CCNL2: variants seen among roughly 807,000 people sequenced by gnomAD.
The protein encoded by CCNL2 is cyclin L2, also known as cyclin-L2.
In CCNL2, 28 loss-of-function variants were observed where a neutral mutation model predicts 59.1. The observed-to-expected ratio is 0.47, with a 90% CI of 0.35 to 0.65. The LOEUF is 0.65. Among genes scored for constraint, CCNL2 ranks in the 30% least tolerant of loss-of-function variants. CCNL2 has a pLI of 0.00. For missense variants in CCNL2, 714 were observed against 717.4 expected, an observed-to-expected ratio of 1.00 and a Z score of 0.05; for synonymous variants, 342 against 288.6, an observed-to-expected ratio of 1.19 and a Z score of -1.88.
Position 1,392,988 on chromosome 1 carries a change from A to G in CCNL2, c.659+408T>C, listed in dbSNP as rs1437417733. 4.6e-6 allele frequency: 3 copies of G among 652,760 alleles called. No individual in the cohort carries two copies. In the African/African-American group the frequency reaches 5.5e-5, roughly 12 times the overall value. 40.4% of individuals were successfully genotyped at this position (652,760 alleles called of 1,614,324 possible). A position where few individuals can be genotyped will look rare whatever the true frequency, so the allele number is the denominator to read the frequency against. ...GCACTTTAGGGTTCCTTTCTAGCAC[A>G]TGCATTGCTAAAATCGGCCCCAGAA... On this transcript the variant is annotated intron_variant, in intron 5 of 10. Transcript: ENST00000400809.
chr1:1,396,594 T>C (rs1645041442), intron 3 of CCNL2, among the ~76,000 whole-genome samples: 1 of 146,604 alleles, frequency 6.8e-6, no homozygotes, highest in African/African-American at 2.6e-5. Context: ...TTTTTTTTTT[T>C]TTTGAGACAG....
At chr1:1,395,940 G>C in intron 3 of CCNL2, among the ~76,000 whole-genome samples, 1 of 152,134 alleles carries the variant, frequency 6.6e-6, no homozygotes, top group Non-Finnish European at 1.5e-5. Context: ...CACTTTGGGA[G>C]GCGAGGCAGG....
At chr1:1,391,727 A>G (rs1032015415) in intron 5 of CCNL2, 4 of 420,552 alleles carry the variant, frequency 9.5e-6, no homozygotes, top group African/African-American at 8.6e-5. Flanking sequence ...ACATTTTTTA[A>G]AAGTTAAAGC....
In CCNL2 at chr1:1,385,734, CATA is replaced by C. The variant is rs1236943326; in HGVS notation, c.*1494_*1496del. On this transcript the variant is annotated 3_prime_UTR_variant, in exon 11 of 11. Coordinates refer to ENST00000400809, the MANE Select transcript of CCNL2 (RefSeq NM_030937.6). ...TCTGGCCTTAAATGGTTCTTTATGTCATAATAATATTTTACAATTATTTAGTAA... is the reference window on the plus strand; with the variant it reads ...TCTGGCCTTAAATGGTTCTTTATGTCATAATATTTTACAATTATTTAGTAA... The C allele has an allele frequency of 2.0e-5, 3 of 152,348 alleles. No homozygotes were observed. Among genetic ancestry groups the C allele is most frequent in the Admixed American group, 1.3e-4 (2 of 15,300 alleles). 9.4% of individuals were successfully genotyped at this position (152,348 alleles called of 1,614,324 possible).
rs201657375 is a variant in CCNL2, at chr1:1,398,591, C to A, written c.363+6G>T. 3 of 1,612,770 alleles carry A rather than the reference C, an allele frequency of 1.9e-6. No homozygotes were observed. Among genetic ancestry groups the A allele is most frequent in the Admixed American group, 1.7e-5 (1 of 60,024 alleles). ...GCTGGGAATGAAGTGCAGGAGGAAG[C>A]CTTACCTCCATGGAGTGCTTCACGA... On this transcript the variant is annotated splice_donor_region_variant and intron_variant, in intron 2 of 10. Coordinates refer to ENST00000400809, the MANE Select transcript of CCNL2 (RefSeq NM_030937.6).
chr1:1,395,491 T>C lies in CCNL2; in HGVS notation c.497A>G (p.Asp166Gly), dbSNP rs567358928. ...GTTCTTTAAATTAACATAATCTTGA[T>C]CCAGTAGTAGAGGCACGGGCTTCCT... ...DKKKPVPLLL[D>G]QDYVNLKNQI... is the part of the protein sequence containing the mutation. Residue 166 changes from aspartate (D) to glycine (G), a missense_variant, in exon 4 of 11, where the codon GAT becomes GGT. This residue lies in a region of CCNL2 where 270 missense variants were observed against 254.9 expected (regional missense o/e 1.06). Coordinates refer to ENST00000400809, the MANE Select transcript of CCNL2 (RefSeq NM_030937.6). The C allele has an allele frequency of 1.9e-5, 31 of 1,614,104 alleles. No individual in the cohort carries two copies. The East Asian group carries it at 5.8e-4, about 30-fold the overall frequency.
intron 3 of CCNL2, 108 bp from the exon 4 acceptor site, chr1:1,395,622 A>G: frequency 6.8e-7 from 1 of 1,476,428 alleles, no homozygotes; most frequent in Admixed American, 1.8e-5. Context: ...CCCACAACAC[A>G]ACATCGCTAT....
At chr1:1,395,943 G>A (rs1040830001) in intron 3 of CCNL2, among the ~76,000 whole-genome samples, 2 of 147,136 alleles carry the variant, frequency 1.4e-5, no homozygotes, top group South Asian at 2.2e-4. Context: ...TTTGGGAGGC[G>A]AGGCAGGCAG....
Position 1,387,587 on chromosome 1 carries a change from G to A in CCNL2, c.1212-5C>T. 6.8e-7 allele frequency: 1 copy of A among 1,480,460 alleles called. No individual in the cohort carries two copies. The highest frequency in any genetic ancestry group is 2.4e-5 in the East Asian group (1 of 41,344). The allele number at this position is 1,480,460 out of a possible 1,614,324, so 91.7% of individuals were successfully genotyped here. On this transcript the variant is annotated splice_polypyrimidine_tract_variant and splice_region_variant and intron_variant, in intron 10 of 10. Coordinates refer to ENST00000400809, the MANE Select transcript of CCNL2 (RefSeq NM_030937.6). ...GTGGAGCCGCTGTCACTTTTCCTGG[G>A]AGGAAGAACAGCACCACCACACGTG... is the stretch of plus-strand genomic sequence containing the variant.
intron 6 of CCNL2, 21 bp downstream of exon 6, chr1:1,390,745 C>T: frequency 6.2e-7 from 1 of 1,605,672 alleles, no homozygotes; most frequent in Non-Finnish European, 8.5e-7. Flanking sequence ...TAGAATCTCT[C>T]CATAGTAGCA....
chr1:1,390,113 CAAAAAAA>C (rs546221507), intron 8 of CCNL2, 110 bp downstream of exon 8: 20 of 696,086 alleles, frequency 2.9e-5, no homozygotes, highest in African/African-American at 1.0e-4. Flanking sequence ...GACCCTGTCT[CAAAAAAA>C]AAAAAAAAAA....
intron 8 of CCNL2, 117 bp downstream of exon 8, chr1:1,390,113 C>CA (rs546221507): frequency 0.073 from 50,458 of 692,968 alleles, 1,231 homozygotes; most frequent in African/African-American, 0.28. Flanking sequence ...GACCCTGTCT[C>CA]AAAAAAAAAA....
Position 1,387,158 on chromosome 1 carries a change from C to G in CCNL2, c.*73G>C, listed in dbSNP as rs1644492551. ...ACACCCGGGGGTCAAAGGGCAGCCA[C>G]CGGGGGTCAAAGGGCAGCCATCAGG... is the stretch of plus-strand genomic sequence containing the variant. On this transcript the variant is annotated 3_prime_UTR_variant, in exon 11 of 11. Coordinates refer to ENST00000400809, the MANE Select transcript of CCNL2 (RefSeq NM_030937.6). 4 of 1,291,790 alleles carry G rather than the reference C, an allele frequency of 3.1e-6. No individual in the cohort carries two copies. The highest frequency in any genetic ancestry group is 2.2e-6 in the Non-Finnish European group (2 of 925,130). The allele number at this position is 1,291,790 out of a possible 1,614,324, so 80.0% of individuals were successfully genotyped here.
At chr1:1,390,188 T>C (rs752315411) in intron 8 of CCNL2, 42 bp downstream of exon 8, 2 of 1,562,662 alleles carry the variant, frequency 1.3e-6, no homozygotes, top group South Asian at 2.3e-5. Context: ...CACCAGTCTT[T>C]GCCTTTGTGG....
Position 1,398,640 on chromosome 1 carries a change from T to G in CCNL2, c.320A>C (p.Gln107Pro). 1 of 1,614,000 alleles carries G rather than the reference T, an allele frequency of 6.2e-7. No individual in the cohort carries two copies. The highest frequency in any genetic ancestry group is 8.5e-7 in the Non-Finnish European group (1 of 1,179,988). The change falls in exon 2 of 11, where the codon CAG (glutamine) becomes CCG (proline). Residue 107 changes from glutamine (Q) to proline (P), a missense_variant. Gln to Pro is a moderately conservative substitution (Grantham distance 76, BLOSUM62 -1). This residue lies in a region of CCNL2 where 270 missense variants were observed against 254.9 expected (regional missense o/e 1.06). Transcript: ENST00000400809. ...GAAGGACTTGGTATAAAAGAACCGC[T>G]GGAACAACACCTGCCCGGTAGCCAT... Reference protein sequence around the residue: ...VAMATGQVLFQRFFYTKSFVK... With the variant: ...VAMATGQVLFPRFFYTKSFVK...
intron 3 of CCNL2, among the ~76,000 whole-genome samples, chr1:1,396,393 A>G (rs1645022995): frequency 6.6e-6 from 1 of 150,444 alleles, no homozygotes; most frequent in African/African-American, 2.4e-5. Context: ...CAGCCTCCCA[A>G]GTAGCTGGTA....
chr1:1,395,055 T>C, intron 4 of CCNL2: 1 of 211,930 alleles, frequency 4.7e-6, no homozygotes, highest in Admixed American at 5.4e-5. Context: ...AGAGCGAAAC[T>C]CCATCTCAAA....
intron 1 of CCNL2, 46 bp downstream of exon 1, chr1:1,398,973 C>A (rs748358876): frequency 7.6e-5 from 117 of 1,530,666 alleles, no homozygotes; most frequent in Middle Eastern, 2.1e-4. Flanking sequence ...AGGCGGCTGC[C>A]GCCCCAGCGG....
At chr1:1,393,687 C>T (rs1251638067) in intron 4 of CCNL2, among the ~76,000 whole-genome samples, 2 of 152,262 alleles carry the variant, frequency 1.3e-5, no homozygotes, top group Non-Finnish European at 2.9e-5. Context: ...ACACAACCCA[C>T]GGCACAGGCC....
Sources: allele counts gnomAD v4.1 joint callset (sites outside exome capture counted in the v4.1 genomes callset), GRCh38; gene constraint gnomAD v4.1.1; regional missense constraint gnomAD v4.1.1; transcripts MANE v1.5; gene names NCBI Gene and HGNC (gene_info 2026-07-23, HGNC 2026-07-21).